ABL1: variants seen among roughly 807,000 people sequenced by gnomAD.
ABL1 encodes tyrosine-protein kinase ABL1.
A neutral mutation model predicts 94.7 loss-of-function variants in ABL1; 11 were observed. The observed-to-expected ratio is 0.12, with a 90% CI of 0.07 to 0.19. The LOEUF (loss-of-function observed/expected upper bound fraction) is 0.19, where lower values mean the gene tolerates loss of function less well. ABL1 is among the 10% of genes least tolerant of loss of function. The pLI is 1.00. For missense variants in ABL1, 1,082 were observed against 1,489.4 expected, an observed-to-expected ratio of 0.73 and a Z score of 4.50; for synonymous variants, 656 against 622.4, an observed-to-expected ratio of 1.05 and a Z score of -0.80.
intron 1 of ABL1, among the ~76,000 whole-genome samples, chr9:130,726,056 G>T (rs1465750559): frequency 6.6e-6 from 1 of 151,616 alleles, no homozygotes; most frequent in Non-Finnish European, 1.5e-5. Flanking sequence ...TTGCTATGGT[G>T]TCTAAGCTGG....
rs1831090595 is a variant in ABL1 at position 130,862,528 on chromosome 9, A to T, written c.550-235A>T. ...GGAGATTTCAGGCAGAGGGAGCAGC[A>T]GCAGGTACAGAGGCCCTGAGGCCTT... On this transcript the variant is annotated intron_variant, in intron 3 of 10. Coordinates refer to ENST00000318560, the MANE Select transcript of ABL1 (RefSeq NM_005157.6). This position sits in a 1 kb window ranked among gnomAD's most constrained non-coding sequence, Gnocchi z 5.5. 6.6e-6 allele frequency among the ~76,000 whole-genome samples: 1 copy of T among 152,206 alleles called. No individual in the cohort carries two copies. Among genetic ancestry groups the T allele is most frequent in the African/African-American group, 2.4e-5 (1 of 41,460 alleles).
intron 1 of ABL1, among the ~76,000 whole-genome samples, chr9:130,731,192 A>C (rs1306531927): frequency 2.6e-5 from 4 of 151,174 alleles, no homozygotes; most frequent in African/African-American, 4.9e-5. Flanking sequence ...TTTTTAATAG[A>C]GAAGGGGTTT....
intron 7 of ABL1, among the ~76,000 whole-genome samples, chr9:130,875,441 C>G (rs1378523781): frequency 7.4e-6 from 1 of 135,204 alleles, no homozygotes; most frequent in African/African-American, 3.6e-5. Flanking sequence ...CTGTGCACAG[C>G]CACCCTTTTT....
intron 3 of ABL1, among the ~76,000 whole-genome samples, chr9:130,859,655 C>CGCTGTTTCT (rs1281583169): frequency 3.6e-4 from 51 of 142,804 alleles, no homozygotes; most frequent in African/African-American, 1.3e-3. Flanking sequence ...TCAAAAGAAA[C>CGCTGTTTCT]GCTGTTTCTT....
intron 1 of ABL1, among the ~76,000 whole-genome samples, chr9:130,776,865 T>G (rs1265775595): frequency 1.3e-5 from 2 of 152,222 alleles, no homozygotes; most frequent in Non-Finnish European, 2.9e-5. Context: ...GCGCTGGGGA[T>G]ACAGGTGTGA....
intron 1 of ABL1, among the ~76,000 whole-genome samples, chr9:130,776,186 A>G (rs949270638): frequency 3.3e-5 from 5 of 152,246 alleles, no homozygotes; most frequent in African/African-American, 9.6e-5. Context: ...ATGGCAGCTC[A>G]CTCAGGAATC....
In ABL1 at chr9:130,835,726, C is replaced by G. The variant is rs929714313; in HGVS notation, c.79+201C>G. Among the ~76,000 whole-genome samples the G allele has an allele frequency of 2.0e-5, 3 of 151,048 alleles. No individual in the cohort carries two copies. The highest frequency in any genetic ancestry group is 7.3e-5 in the African/African-American group (3 of 41,256). On this transcript the variant is annotated intron_variant, in intron 1 of 10. Coordinates refer to ENST00000318560, the MANE Select transcript of ABL1 (RefSeq NM_005157.6). The surrounding 1 kb of genome is among the most constrained non-coding windows in gnomAD (Gnocchi z 4.6). ...TCTTTCTTTCTCTCTGTGTCTGTCT[C>G]TTTTCTCTTCTCTTGTCTCTCTCTT...
At chr9:130,730,561 TA>T (rs1269403961) in intron 1 of ABL1, among the ~76,000 whole-genome samples, 3 of 152,152 alleles carry the variant, frequency 2.0e-5, no homozygotes, top group Admixed American at 6.6e-5. Flanking sequence ...GAGTTATTTA[TA>T]TTTTTTTTCC....
intron 1 of ABL1, among the ~76,000 whole-genome samples, chr9:130,737,339 C>G (rs762574655): frequency 6.6e-6 from 1 of 152,170 alleles, no homozygotes; most frequent in African/African-American, 2.4e-5. Context: ...GTCATCTCAG[C>G]TCACTGTAAC....
intron 3 of ABL1, among the ~76,000 whole-genome samples, chr9:130,857,174 C>T (rs1485778277): frequency 1.3e-5 from 2 of 152,126 alleles, no homozygotes; most frequent in Admixed American, 6.5e-5. Flanking sequence ...TTTGAAAATG[C>T]GTTGCACGTG....
rs763550910 is a variant in ABL1 at position 130,887,301 on chromosome 9, C to T, written c.*1618C>T. ...TTATGCGGTTCTTACAGCACATCAC[C>T]TCTTTGCCCCCGACGGCTGTGACGC... On this transcript the variant is annotated 3_prime_UTR_variant, in exon 11 of 11. Transcript: ENST00000318560. 4.3e-5 allele frequency: 10 copies of T among 233,170 alleles called. No individual in the cohort carries two copies. Among genetic ancestry groups the T allele is most frequent in the African/African-American group, 6.6e-5 (3 of 45,350 alleles). 14.4% of individuals were successfully genotyped at this position (233,170 alleles called of 1,614,324 possible). A position where few individuals can be genotyped will look rare whatever the true frequency, so the allele number is the denominator to read the frequency against.
chr9:130,859,655 C>T (rs969663357), intron 3 of ABL1, among the ~76,000 whole-genome samples: 20 of 142,756 alleles, frequency 1.4e-4, no homozygotes, highest in Non-Finnish European at 2.4e-4. Context: ...TCAAAAGAAA[C>T]GCTGTTTCTT....
intron 3 of ABL1, among the ~76,000 whole-genome samples, chr9:130,859,841 C>T (rs867949852): frequency 4.6e-5 from 7 of 151,654 alleles, no homozygotes; most frequent in East Asian, 3.9e-4. Context: ...CCAGCATGCC[C>T]GGCTAATTTT....
intron 4 of ABL1, among the ~76,000 whole-genome samples, chr9:130,868,590 C>T (rs1184851870): frequency 7.4e-6 from 1 of 135,684 alleles, no homozygotes; most frequent in Non-Finnish European, 1.5e-5. Flanking sequence ...GTGGCATGAT[C>T]TCAGTTCACT....
intron 1 of ABL1, among the ~76,000 whole-genome samples, chr9:130,734,235 A>G (rs535792829): frequency 1.2e-4 from 17 of 141,528 alleles, no homozygotes; most frequent in African/African-American, 4.1e-4. Context: ...TTTTTTTGAG[A>G]TGGAGTCTCG....
chr9:130,714,577 C>T, intron 1 of ABL1: 1 of 1,288,702 alleles, frequency 7.8e-7, no homozygotes, highest in Non-Finnish European at 1.1e-6. Context: ...AAATTTGTTA[C>T]TGTAGTTATC....
At chr9:130,876,148 G>A (rs1028954143) in intron 7 of ABL1, among the ~76,000 whole-genome samples, 6 of 151,438 alleles carry the variant, frequency 4.0e-5, no homozygotes, top group Admixed American at 6.6e-5. Flanking sequence ...ATTTGCTATC[G>A]TTTTTTTGTG....
Position 130,871,197 on chromosome 9 carries a change from A to G in ABL1, c.823-932A>G, listed in dbSNP as rs183799763. Among the ~76,000 whole-genome samples, 4 of 152,272 alleles carry G rather than the reference A, an allele frequency of 2.6e-5. No homozygotes were observed. In the East Asian group the frequency reaches 7.7e-4, roughly 29 times the overall value. ...CAGCAAACAGACCATATCATTTAAC[A>G]CCCACCTGCTTCTTGTTCTGATAGT... On this transcript the variant is annotated intron_variant, in intron 4 of 10. Transcript: ENST00000318560.
rs568647141 is a variant in ABL1 at position 130,877,868 on chromosome 9, G to A, written c.1271-547G>A. On this transcript the variant is annotated intron_variant, in intron 7 of 10. Transcript: ENST00000318560. ...GTCACCCAGCCTGGAGTGCAGTGGC[G>A]CGATCTTGATCTTGGCTCACTGCAA... 2.7e-4 allele frequency among the ~76,000 whole-genome samples: 40 copies of A among 149,318 alleles called. 1 individual carries two copies. The highest frequency in any genetic ancestry group is 8.5e-4 in the African/African-American group (34 of 40,052).
Sources: gnomAD v4.1 joint callset for allele counts (sites outside exome capture counted in the v4.1 genomes callset) on GRCh38, gnomAD v4.1.1 for gene constraint, Gnocchi (gnomAD v3.1) non-coding constraint, MANE v1.5 for transcripts, NCBI Gene and HGNC (gene_info 2026-07-23, HGNC 2026-07-21) for gene names.